The following CA9 variants were observed in gnomAD, a reference collection of about 807,000 sequenced individuals.
The protein encoded by CA9 is CA-IX.
In CA9, 43 loss-of-function variants were observed where a neutral mutation model predicts 51.8. The observed-to-expected ratio is 0.83, with a 90% confidence interval of 0.65 to 1.07. The LOEUF is 1.07. CA9 is among the 50% of genes least tolerant of loss of function. CA9 has a pLI of 0.00. For missense variants in CA9, 574 were observed against 581.4 expected, an observed-to-expected ratio of 0.99 and a Z score of 0.13; for synonymous variants, 253 against 244.2, an observed-to-expected ratio of 1.04 and a Z score of -0.34.
In CA9 at chr9:35,679,333, T is replaced by A. The variant is rs769028502; in HGVS notation, c.1056T>A (p.Ser352Arg). Residue 352 changes from serine to arginine, a missense_variant, in exon 7 of 11, where the codon AGT (serine) becomes AGA (arginine). Coordinates refer to ENST00000378357, the MANE Select transcript of CA9 (RefSeq NM_001216.3). ...TGTTTAACCAGACAGTGATGCTGAG[T>A]GCTAAGCAGGTGGGCCTGGGGTGTG... ...WTVFNQTVML[S>R]AKQLHTLSDT... The A allele has an allele frequency of 6.2e-7, 1 of 1,613,206 alleles. No homozygotes were observed. The highest frequency in any genetic ancestry group is 8.5e-7 in the Non-Finnish European group (1 of 1,179,622).
In CA9 at chr9:35,674,364, T is replaced by C. The variant is rs746817775; in HGVS notation, c.403+2T>C. ...ATAATGCCCACAGGGACAAAGAAGG[T>C]AAGTGGTCATCAATCTCCAAATCCA... On this transcript the variant is annotated splice_donor_variant, in intron 1 of 10. Coordinates refer to ENST00000378357, the MANE Select transcript of CA9 (RefSeq NM_001216.3). LOFTEE classifies it high-confidence loss of function. The C allele has an allele frequency of 6.2e-7, 1 of 1,604,940 alleles. No homozygotes were observed. Among genetic ancestry groups the C allele is most frequent in the South Asian group, 1.1e-5 (1 of 89,894 alleles).
In CA9 at chr9:35,680,743, T is replaced by G; in HGVS notation, c.1238-10T>G. On this transcript the variant is annotated splice_polypyrimidine_tract_variant and intron_variant, in intron 9 of 10. Transcript: ENST00000378357. ...CTTCCCAAAGCAGCCCTCTCTGCTCTCCATCGCAGGTGACATCCTAGCCCT... is the reference window on the plus strand; with the variant it reads ...CTTCCCAAAGCAGCCCTCTCTGCTCGCCATCGCAGGTGACATCCTAGCCCT... The G allele has an allele frequency of 5.0e-6, 8 of 1,613,598 alleles. No homozygotes were observed. Among genetic ancestry groups the G allele is most frequent in the Non-Finnish European group, 5.9e-6 (7 of 1,179,548 alleles).
intron 9 of CA9, among the ~76,000 whole-genome samples, chr9:35,680,422 G>C (rs774367226): frequency 6.6e-6 from 1 of 152,136 alleles, no homozygotes; most frequent in Non-Finnish European, 1.5e-5. Context: ...GGGTGTTGTG[G>C]CACGATCATA....
At chr9:35,674,516 A>C in intron 1 of CA9, 154 bp downstream of exon 1, 4 of 596,744 alleles carry the variant, frequency 6.7e-6, no homozygotes, top group Non-Finnish European at 8.5e-6. Context: ...CCCCATCCCC[A>C]CTCTCGGAGG....
intron 6 of CA9, among the ~76,000 whole-genome samples, chr9:35,678,346 CAAAAA>C (rs11327436): frequency 1.1e-5 from 1 of 93,890 alleles, no homozygotes. Flanking sequence ...ACTCTTGTCT[CAAAAA>C]AAAAAAAAAA....
Position 35,675,553 on chromosome 9 carries a change from A to T in CA9, c.419A>T (p.His140Leu). 3 of 1,614,164 alleles carry T rather than the reference A, an allele frequency of 1.9e-6. No homozygotes were observed. The South Asian group carries it at 3.3e-5, about 18-fold the overall frequency. The change falls in exon 2 of 11, where the codon CAT becomes CTT. Residue 140 changes from histidine to leucine, a missense_variant. His to Leu is a moderately conservative substitution (Grantham distance 99). Transcript: ENST00000378357. The part of the protein sequence containing the change: ...HRDKEGDDQS[H>L]WRYGGDPPWP... ...ATTTATACAGGGGATGACCAGAGTC[A>T]TTGGCGCTATGGAGGTGAGACACCC... is the stretch of plus-strand genomic sequence containing the variant.
intron 9 of CA9, among the ~76,000 whole-genome samples, chr9:35,680,422 G>A (rs774367226): frequency 4.6e-5 from 7 of 152,136 alleles, no homozygotes; most frequent in African/African-American, 1.7e-4. Context: ...GGGTGTTGTG[G>A]CACGATCATA....
chr9:35,681,085 C>T lies in CA9; in HGVS notation c.*60C>T. The T allele has an allele frequency of 2.2e-6, 3 of 1,380,080 alleles. No homozygotes were observed. The highest frequency in any genetic ancestry group is 3.0e-6 in the Non-Finnish European group (3 of 991,482). The allele number at this position is 1,380,080 out of a possible 1,614,324, so 85.5% of individuals were successfully genotyped here. ...GAGGCATCTGAGGGGGAGCCGGTAA[C>T]TGTCCTGTCCTGCTCATTATGCCAC... On this transcript the variant is annotated 3_prime_UTR_variant, in exon 11 of 11. Transcript: ENST00000378357.
At chr9:35,679,828 C>T (rs373161931) in intron 7 of CA9, 26 bp from the exon 8 acceptor site, 1 of 1,571,336 alleles carries the variant, frequency 6.4e-7, no homozygotes, top group Non-Finnish European at 8.6e-7. Context: ...CATGAACCCA[C>T]CCACACTGTC....
intron 2 of CA9, 95 bp from the exon 3 acceptor site, chr9:35,675,666 G>T: frequency 1.3e-6 from 1 of 751,840 alleles, no homozygotes; most frequent in South Asian, 1.4e-5. Flanking sequence ...CGTCCCACCC[G>T]CCGCCCACCG....
At chr9:35,677,649 C>T in intron 5 of CA9, 141 bp from the exon 6 acceptor site, 4 of 640,984 alleles carry the variant, frequency 6.2e-6, no homozygotes, top group Non-Finnish European at 1.1e-5. Context: ...CAAAAAGCAA[C>T]AACCATTACA....
At chr9:35,678,392 C>CA (rs11424505) in intron 6 of CA9, among the ~76,000 whole-genome samples, 2,663 of 145,040 alleles carry the variant, frequency 0.018, 68 homozygotes, top group African/African-American at 0.063. Flanking sequence ...CAAAATGAGA[C>CA]AAAAAAAACA....
chr9:35,678,445 A>G (rs1474201089), intron 6 of CA9, among the ~76,000 whole-genome samples: 1 of 151,876 alleles, frequency 6.6e-6, no homozygotes, highest in African/African-American at 2.4e-5. Flanking sequence ...TCAAGTCTGG[A>G]GAGCTAAACT....
intron 6 of CA9, 84 bp from the exon 7 acceptor site, chr9:35,679,101 T>G: frequency 6.8e-7 from 1 of 1,463,988 alleles, no homozygotes; most frequent in South Asian, 1.2e-5. Flanking sequence ...CCTTGGCTTC[T>G]GGGAGGTGAA....
intron 9 of CA9, 131 bp downstream of exon 9, chr9:35,680,270 G>T: frequency 1.0e-6 from 1 of 991,644 alleles, no homozygotes. Flanking sequence ...ATATTAGAGA[G>T]GCAGATCATG....
Position 35,676,048 on chromosome 9 carries a change from G to T in CA9, c.605-16G>T. 1 of 1,612,208 alleles carries T rather than the reference G, an allele frequency of 6.2e-7. No homozygotes were observed. The highest frequency in any genetic ancestry group is 8.5e-7 in the Non-Finnish European group (1 of 1,179,470). ...CCTACCGGGCGGGGCCGGCTCACTT[G>T]CCTCTCCCTACGCAGTGCAACTGAC... On this transcript the variant is annotated splice_polypyrimidine_tract_variant and intron_variant, in intron 3 of 10. Coordinates refer to ENST00000378357, the MANE Select transcript of CA9 (RefSeq NM_001216.3).
chr9:35,674,525 G>A, intron 1 of CA9, 163 bp downstream of exon 1: 1 of 627,544 alleles, frequency 1.6e-6, no homozygotes. Context: ...CACTCTCGGA[G>A]GTAGAAAGGG....
In CA9 at chr9:35,676,387, G is replaced by T; in HGVS notation, c.838G>T (p.Glu280Ter). ...GGLAVLAAFL[E>*]EGPEENSAYE... ...CCTGGCCGTGTTGGCCGCCTTTCTG[G>T]AGGTACCAGATCCTGGACACCCCCT... Residue 280 changes from glutamate to a stop codon, truncating the protein, a stop_gained and splice_region_variant, in exon 5 of 11, where the codon GAG becomes TAG. Coordinates refer to ENST00000378357, the MANE Select transcript of CA9 (RefSeq NM_001216.3). LOFTEE classifies it high-confidence loss of function. The T allele has an allele frequency of 6.2e-7, 1 of 1,612,352 alleles. No individual in the cohort carries two copies. Among genetic ancestry groups the T allele is most frequent in the Admixed American group, 1.7e-5 (1 of 59,902 alleles).
Position 35,680,949 on chromosome 9 carries a change from T to C in CA9, c.1320-16T>C. ...GGCCAGTTTTCTGATTAGCCTTTCC[T>C]GTTGTGTACACACAGAAGGGGAACC... On this transcript the variant is annotated splice_polypyrimidine_tract_variant and intron_variant, in intron 10 of 10. Transcript: ENST00000378357. 1 of 1,613,980 alleles carries C rather than the reference T, an allele frequency of 6.2e-7. No homozygotes were observed. The highest frequency in any genetic ancestry group is 8.5e-7 in the Non-Finnish European group (1 of 1,179,920).
Sources: gnomAD v4.1 joint callset for allele counts (sites outside exome capture counted in the v4.1 genomes callset) on GRCh38, gnomAD v4.1.1 for gene constraint, MANE v1.5 for transcripts, NCBI Gene and HGNC (gene_info 2026-07-23, HGNC 2026-07-21) for gene names.